HEMK1: variants seen among roughly 807,000 people sequenced by gnomAD.
HEMK1 encodes HemK methyltransferase 1, mitochondrial release factors N(5)-glutamine, also known as MTRF1L release factor glutamine methyltransferase.
Under a neutral mutation model 47.9 loss-of-function variants are expected in HEMK1, and 36 were observed. That is an observed-to-expected ratio of 0.75 (90% CI 0.58 to 0.99). The LOEUF (loss-of-function observed/expected upper bound fraction) is 0.99. Ranked by LOEUF, HEMK1 falls within the 50% of genes least tolerant of loss-of-function variation. The pLI, the probability that HEMK1 is intolerant of heterozygous loss-of-function variation, is 0.00. For synonymous variants in HEMK1, 153 were observed against 165.4 expected (o/e 0.93, Z 0.57); for missense variants, 383 against 434.5 (o/e 0.88, Z 1.05).
Position 50,594,394 on chromosome 3 carries a change from G to A in HEMK1, c.*13977G>A, listed in dbSNP as rs911001050. ...GGTCCCTACTCATAAGGAGTTCATG[G>A]CCTGGTGGAGGATACAGGCAGGCAA... On this transcript the variant is annotated 3_prime_UTR_variant, in exon 11 of 11. Coordinates refer to ENST00000232854, the MANE Select transcript of HEMK1 (RefSeq NM_016173.5). 6.6e-6 allele frequency: 1 copy of A among 152,186 alleles called. No homozygotes were observed. Among genetic ancestry groups the A allele is most frequent in the Non-Finnish European group, 1.5e-5 (1 of 68,042 alleles). 9.4% of individuals were successfully genotyped at this position (152,186 alleles called of 1,614,324 possible).
intron 8 of HEMK1, 64 bp downstream of exon 8, chr3:50,578,990 C>A: frequency 8.3e-7 from 1 of 1,209,376 alleles, no homozygotes; most frequent in South Asian, 1.3e-5. Context: ...AGTCTGCCCT[C>A]GAGGACCACA....
At chr3:50,569,840 T>C (rs1003724296) in intron 1 of HEMK1, 1 of 151,590 alleles carries the variant, frequency 6.6e-6, no homozygotes, top group African/African-American at 2.4e-5. Flanking sequence ...ACAGTCTTTT[T>C]TTTCTTTTTT....
intron 6 of HEMK1, 126 bp from the exon 7 acceptor site, chr3:50,577,700 G>T (rs983813491): frequency 1.9e-5 from 25 of 1,342,876 alleles, no homozygotes; most frequent in Middle Eastern, 1.8e-4. Context: ...GTCCCATGGG[G>T]TTCTGAATGG....
intron 8 of HEMK1, 45 bp from the exon 9 acceptor site, chr3:50,579,799 A>ATACCCCT: frequency 7.1e-7 from 1 of 1,416,700 alleles, no homozygotes; most frequent in Non-Finnish European, 9.9e-7. Context: ...TGCATTTCAG[A>ATACCCCT]TACCCCTTTC....
chr3:50,590,471 G>C lies in HEMK1; in HGVS notation c.*10054G>C, dbSNP rs528184528. On this transcript the variant is annotated 3_prime_UTR_variant, in exon 11 of 11. Coordinates refer to ENST00000232854, the MANE Select transcript of HEMK1 (RefSeq NM_016173.5). ...CTCGGGAGGCTGAGGCAGGAGAATC[G>C]CTTGAACCCGGAAGGCGGAGGTTGC... The C allele has an allele frequency of 6.6e-6, 1 of 151,998 alleles. No individual in the cohort carries two copies. The highest frequency in any genetic ancestry group is 2.4e-5 in the African/African-American group (1 of 41,306). 9.4% of individuals were successfully genotyped at this position (151,998 alleles called of 1,614,324 possible). A position where few individuals can be genotyped will look rare whatever the true frequency, so the allele number is the denominator to read the frequency against.
In HEMK1 at chr3:50,577,073, G is replaced by A; in HGVS notation, c.436G>A (p.Glu146Lys). ...ACAGGAACTGGTTGAGTGGGTGCTG[G>A]AAGAGGTGGCCCAGAGGTCCCATGC... ...ETEELVEWVL[E>K]EVAQRSHAVG... The change falls in exon 5 of 11, where the codon GAA (glutamate) becomes AAA (lysine). Residue 146 changes from glutamate to lysine, a missense_variant. Transcript: ENST00000232854. The A allele has an allele frequency of 6.2e-7, 1 of 1,613,982 alleles. No individual in the cohort carries two copies. Among genetic ancestry groups the A allele is most frequent in the Admixed American group, 1.7e-5 (1 of 59,980 alleles).
chr3:50,590,959 A>G lies in HEMK1; in HGVS notation c.*10542A>G, dbSNP rs1250692969. The G allele has an allele frequency of 6.6e-6, 1 of 152,242 alleles. No individual in the cohort carries two copies. The highest frequency in any genetic ancestry group is 1.9e-4 in the East Asian group (1 of 5,202). The allele number at this position is 152,242 out of a possible 1,614,324, so 9.4% of individuals were successfully genotyped here. A position where few individuals can be genotyped will look rare whatever the true frequency, so the allele number is the denominator to read the frequency against. On this transcript the variant is annotated 3_prime_UTR_variant, in exon 11 of 11. Coordinates refer to ENST00000232854, the MANE Select transcript of HEMK1 (RefSeq NM_016173.5). ...ACTGTGCTTTGGAAAGAGAGAAATG[A>G]GAAGCAAAACCCTAGGGCCCCAGTA...
At chr3:50,579,966 C>T (rs1290226767) in intron 9 of HEMK1, 27 bp downstream of exon 9, 1 of 1,589,368 alleles carries the variant, frequency 6.3e-7, no homozygotes, top group Admixed American at 1.7e-5. Flanking sequence ...TCTCCTAGGT[C>T]TGTCCCCAGC....
In HEMK1 at chr3:50,594,628, G is replaced by A. The variant is rs763904812; in HGVS notation, c.*14211G>A. The A allele has an allele frequency of 6.6e-6, 1 of 152,334 alleles. No homozygotes were observed. Among genetic ancestry groups the A allele is most frequent in the Non-Finnish European group, 1.5e-5 (1 of 68,116 alleles). 9.4% of individuals were successfully genotyped at this position (152,334 alleles called of 1,614,324 possible). A position where few individuals can be genotyped will look rare whatever the true frequency, so the allele number is the denominator to read the frequency against. ...TCTGCTGCAGAGGCCAGGTGGGTAA[G>A]TAACCAAAAGTGCCTGAGAGCTAAT... On this transcript the variant is annotated 3_prime_UTR_variant, in exon 11 of 11. Coordinates refer to ENST00000232854, the MANE Select transcript of HEMK1 (RefSeq NM_016173.5).
intron 1 of HEMK1, chr3:50,570,518 T>C (rs930631025): frequency 6.6e-5 from 10 of 152,296 alleles, no homozygotes; most frequent in African/African-American, 2.4e-4. Context: ...CTGCTGTGTG[T>C]TGAGCTGCCT....
In HEMK1 at chr3:50,580,503, T is replaced by C. The variant is rs184526855; in HGVS notation, c.*86T>C. 9.4e-5 allele frequency: 127 copies of C among 1,346,930 alleles called. 1 individual carries two copies. The Middle Eastern group carries it at 2.2e-3, about 23-fold the overall frequency. The allele number at this position is 1,346,930 out of a possible 1,614,324, so 83.4% of individuals were successfully genotyped here. Reference sequence around the variant, plus strand: ...GCACTTTCCAGAGCCCAGGTTCTTATGGCATTTCCCAGGGTTCTGTGATTT... The same window carrying C: ...GCACTTTCCAGAGCCCAGGTTCTTACGGCATTTCCCAGGGTTCTGTGATTT... On this transcript the variant is annotated 3_prime_UTR_variant, in exon 11 of 11. Transcript: ENST00000232854.
chr3:50,574,910 AC>A (rs1166108090), intron 4 of HEMK1, among the ~76,000 whole-genome samples: 1 of 152,098 alleles, frequency 6.6e-6, no homozygotes, highest in East Asian at 1.9e-4. Flanking sequence ...TGGACTTGCC[AC>A]CCTCAGGGTG....
intron 4 of HEMK1, among the ~76,000 whole-genome samples, chr3:50,573,423 C>T (rs1024514671): frequency 1.3e-5 from 2 of 152,212 alleles, no homozygotes; most frequent in Non-Finnish European, 2.9e-5. Flanking sequence ...TTGCTGTCTC[C>T]GGCTTCCCAG....
intron 1 of HEMK1, chr3:50,569,933 T>C (rs1700732813): frequency 6.6e-6 from 1 of 152,026 alleles, no homozygotes; most frequent in African/African-American, 2.4e-5. Context: ...CTGCTTGAAC[T>C]GGGTTCAAGC....
chr3:50,571,147 C>T lies in HEMK1; in HGVS notation c.43C>T (p.Pro15Ser). 1 of 1,612,258 alleles carries T rather than the reference C, an allele frequency of 6.2e-7. No individual in the cohort carries two copies. Among genetic ancestry groups the T allele is most frequent in the Non-Finnish European group, 8.5e-7 (1 of 1,179,218 alleles). The change falls in exon 2 of 11, where the codon CCA (proline) becomes TCA (serine). Residue 15 changes from proline (P) to serine (S), a missense_variant. Pro to Ser is a moderately conservative substitution (Grantham distance 74). Coordinates refer to ENST00000232854, the MANE Select transcript of HEMK1 (RefSeq NM_016173.5). ...GRMLWALLSG[P>S]GRRGSTRGWA... ...AATGCTGTGGGCCCTCCTGTCTGGC[C>T]CAGGGAGGAGGGGAAGTACCCGGGG...
intron 5 of HEMK1, 103 bp downstream of exon 5, chr3:50,577,289 C>G: frequency 1.4e-6 from 2 of 1,382,606 alleles, no homozygotes; most frequent in Non-Finnish European, 2.0e-6. Flanking sequence ...TGAGGGGAAG[C>G]AGCTGGATGA....
At position 50,580,494 on chromosome 3, in the gene HEMK1, A is replaced by C; in HGVS notation, c.*77A>C. 1 of 1,419,092 alleles carries C rather than the reference A, an allele frequency of 7.0e-7. No individual in the cohort carries two copies. The highest frequency in any genetic ancestry group is 1.2e-5 in the South Asian group (1 of 85,884). 87.9% of individuals were successfully genotyped at this position (1,419,092 alleles called of 1,614,324 possible). On this transcript the variant is annotated 3_prime_UTR_variant, in exon 11 of 11. Transcript: ENST00000232854. The stretch of plus-strand genomic sequence containing the variant: ...AGGTGGATGGCACTTTCCAGAGCCC[A>C]GGTTCTTATGGCATTTCCCAGGGTT...
At chr3:50,573,661 C>T (rs1559455793) in intron 4 of HEMK1, among the ~76,000 whole-genome samples, 1 of 152,196 alleles carries the variant, frequency 6.6e-6, no homozygotes, top group South Asian at 2.1e-4. Flanking sequence ...TGAGAACTCA[C>T]CAGGTTCACC....
At chr3:50,580,090 A>T in intron 9 of HEMK1, 26 bp from the exon 10 acceptor site, 1 of 1,596,362 alleles carries the variant, frequency 6.3e-7, no homozygotes, top group Non-Finnish European at 8.6e-7. Flanking sequence ...TGTCCTGCTG[A>T]GCCCACCCAT....
Sources: allele counts gnomAD v4.1 joint callset (sites outside exome capture counted in the v4.1 genomes callset), GRCh38; gene constraint gnomAD v4.1.1; transcripts MANE v1.5; gene names NCBI Gene and HGNC (gene_info 2026-07-23, HGNC 2026-07-21).